The following CDH6 variants were observed in gnomAD, a reference collection of about 807,000 sequenced individuals.
CDH6 encodes cadherin-6.
A neutral mutation model predicts 78.0 loss-of-function variants in CDH6; 31 were observed. The ratio of observed to expected loss-of-function variants is 0.40; its 90% CI spans 0.30 to 0.54. The LOEUF (loss-of-function observed/expected upper bound fraction) is 0.54. CDH6 is among the 20% of genes least tolerant of loss of function. CDH6 has a pLI of 0.56. For missense variants in CDH6, 724 were observed against 975.9 expected (o/e 0.74, Z 3.44); for synonymous variants, 376 against 368.8 (o/e 1.02, Z -0.23).
chr5:31,201,780 G>A (rs966841811), intron 1 of CDH6, among the ~76,000 whole-genome samples: 53 of 151,998 alleles, frequency 3.5e-4, no homozygotes, highest in Non-Finnish European at 6.9e-4. Flanking sequence ...AAAAGTAAAG[G>A]GGAATTATAA....
At chr5:31,242,532 A>G (rs1380363563) in intron 1 of CDH6, among the ~76,000 whole-genome samples, 1 of 152,198 alleles carries the variant, frequency 6.6e-6, no homozygotes, top group African/African-American at 2.4e-5. Context: ...GTGGCTCACC[A>G]TAACAGTGAA....
intron 2 of CDH6, among the ~76,000 whole-genome samples, chr5:31,286,462 A>C (rs1032517368): frequency 2.0e-5 from 3 of 152,214 alleles, no homozygotes; most frequent in African/African-American, 7.2e-5. Context: ...CAAGGGAACC[A>C]CATGCAGGAA....
Position 31,325,795 on chromosome 5 carries a change from A to G in CDH6, c.*2487A>G, listed in dbSNP as rs1738612271. ...AATAACTTTAATCTCTTATCATAAA[A>G]GCTGATGATGAAGTAAATTTATAGG... On this transcript the variant is annotated 3_prime_UTR_variant, in exon 12 of 12. Coordinates refer to ENST00000265071, the MANE Select transcript of CDH6 (RefSeq NM_004932.4). 4.3e-6 allele frequency: 1 copy of G among 231,272 alleles called. No individual in the cohort carries two copies. Among genetic ancestry groups the G allele is most frequent in the African/African-American group, 2.2e-5 (1 of 45,250 alleles). 14.3% of individuals were successfully genotyped at this position (231,272 alleles called of 1,614,324 possible).
At chr5:31,207,804 G>A (rs1257550228) in intron 1 of CDH6, among the ~76,000 whole-genome samples, 1 of 152,158 alleles carries the variant, frequency 6.6e-6, no homozygotes, top group Non-Finnish European at 1.5e-5. Flanking sequence ...GATACATCGA[G>A]GCAATACACT....
chr5:31,232,956 T>C (rs1240529629), intron 1 of CDH6, among the ~76,000 whole-genome samples: 1 of 152,180 alleles, frequency 6.6e-6, no homozygotes, highest in Non-Finnish European at 1.5e-5. Flanking sequence ...ACAGAGAAGT[T>C]AAATAACCTT....
chr5:31,302,949 A>AAGAAAGAAAGAAAG (rs1737861146), intron 6 of CDH6, among the ~76,000 whole-genome samples: 3 of 131,568 alleles, frequency 2.3e-5, no homozygotes, highest in Non-Finnish European at 5.1e-5. Flanking sequence ...GAAAGAAAGA[A>AAGAAAGAAAGAAAG]AGAAAGAAGG....
intron 1 of CDH6, among the ~76,000 whole-genome samples, chr5:31,242,266 A>C (rs72749663): frequency 0.016 from 2,500 of 152,302 alleles, 33 homozygotes; most frequent in South Asian, 0.038. Context: ...CATTCTAACT[A>C]TAAATTCAGT....
chr5:31,248,485 A>C (rs1286547089), intron 1 of CDH6, among the ~76,000 whole-genome samples: 3 of 152,214 alleles, frequency 2.0e-5, no homozygotes, highest in Non-Finnish European at 2.9e-5. Flanking sequence ...TTTCTATTTC[A>C]TGACAGCCTT....
At chr5:31,225,557 G>A (rs966583989) in intron 1 of CDH6, among the ~76,000 whole-genome samples, 1 of 152,034 alleles carries the variant, frequency 6.6e-6, no homozygotes, top group African/African-American at 2.4e-5. Context: ...TGGCGAAGGG[G>A]AAGCAGATAT....
At chr5:31,213,002 A>G (rs1169407038) in intron 1 of CDH6, among the ~76,000 whole-genome samples, 1 of 152,162 alleles carries the variant, frequency 6.6e-6, no homozygotes, top group Non-Finnish European at 1.5e-5. Context: ...TTGTTTGCCT[A>G]CTATGCACTA....
intron 2 of CDH6, among the ~76,000 whole-genome samples, chr5:31,275,896 T>C (rs552376814): frequency 1.3e-5 from 2 of 152,218 alleles, no homozygotes; most frequent in African/African-American, 4.8e-5. Context: ...AATTTTAAAA[T>C]GTCTTCCTTA....
intron 7 of CDH6, among the ~76,000 whole-genome samples, chr5:31,312,107 A>G (rs1312549151): frequency 1.3e-5 from 2 of 152,186 alleles, no homozygotes; most frequent in African/African-American, 2.4e-5. Flanking sequence ...TAAGTGATGT[A>G]AGTGATTCTG....
intron 1 of CDH6, among the ~76,000 whole-genome samples, chr5:31,195,351 C>T (rs1174587884): frequency 6.6e-6 from 1 of 152,092 alleles, no homozygotes; most frequent in Admixed American, 6.5e-5. Context: ...CAGGGATATG[C>T]CTAGTTAATG....
intron 1 of CDH6, among the ~76,000 whole-genome samples, chr5:31,220,098 C>T (rs534785540): frequency 1.2e-3 from 177 of 152,308 alleles, no homozygotes; most frequent in Middle Eastern, 3.4e-3. Flanking sequence ...CCTTTGTACA[C>T]TTCCACAATT....
At chr5:31,301,745 G>A (rs1365269822) in intron 5 of CDH6, among the ~76,000 whole-genome samples, 3 of 152,122 alleles carry the variant, frequency 2.0e-5, no homozygotes, top group Non-Finnish European at 4.4e-5. Context: ...ACTAAAAGTC[G>A]CAGTTCAGAT....
At chr5:31,240,945 C>T (rs1250404812) in intron 1 of CDH6, among the ~76,000 whole-genome samples, 2 of 152,178 alleles carry the variant, frequency 1.3e-5, no homozygotes, top group Non-Finnish European at 2.9e-5. Context: ...TTTTATAGTC[C>T]AGGCTAGTCC....
Position 31,206,016 on chromosome 5 carries a change from T to C in CDH6, c.-129+12130T>C, listed in dbSNP as rs73089314. On this transcript the variant is annotated intron_variant, in intron 1 of 11. Transcript: ENST00000265071. ...AATTTGCCCAAGGTCACATAGTTGG[T>C]TCTTTTTGGAGCTAAAATTCAATCG... Among the ~76,000 whole-genome samples, 1,152 of 152,288 alleles carry C rather than the reference T, an allele frequency of 7.6e-3. 21 individuals are homozygous for C. Among genetic ancestry groups the C allele is most frequent in the African/African-American group, 0.026 (1,076 of 41,552 alleles).
chr5:31,200,770 C>A (rs922840036), intron 1 of CDH6, among the ~76,000 whole-genome samples: 1 of 151,898 alleles, frequency 6.6e-6, no homozygotes, highest in Admixed American at 6.6e-5. Flanking sequence ...AATACAGTCA[C>A]GTTTTATATG....
intron 1 of CDH6, among the ~76,000 whole-genome samples, chr5:31,208,355 C>A (rs1333388278): frequency 1.3e-5 from 2 of 152,116 alleles, no homozygotes; most frequent in African/African-American, 4.8e-5. Context: ...TTCCAAAGGC[C>A]ACGAGGGGTT....
Sources: gnomAD v4.1 joint callset for allele counts (sites outside exome capture counted in the v4.1 genomes callset) on GRCh38, gnomAD v4.1.1 for gene constraint, MANE v1.5 for transcripts, NCBI Gene and HGNC (gene_info 2026-07-23, HGNC 2026-07-21) for gene names.